TSPOAP1: variants seen among roughly 807,000 people sequenced by gnomAD.
TSPOAP1 encodes the protein peripheral-type benzodiazepine receptor-associated protein 1.
In TSPOAP1, 87 loss-of-function variants were observed where a neutral mutation model predicts 197.0. The observed-to-expected ratio is 0.44, with a 90% confidence interval of 0.37 to 0.53. TSPOAP1 has a LOEUF of 0.53. Among genes scored for constraint, TSPOAP1 ranks in the 20% least tolerant of loss-of-function variants. TSPOAP1 has a pLI of 0.00. For missense variants in TSPOAP1, 2,174 were observed against 2,411.3 expected (o/e 0.90, Z 2.06); for synonymous variants, 913 against 998.9 (o/e 0.91, Z 1.62).
chr17:58,305,189 G>A lies in TSPOAP1; in HGVS notation c.5434-18C>T, dbSNP rs780723601. 3 of 1,582,974 alleles carry A rather than the reference G, an allele frequency of 1.9e-6. No individual in the cohort carries two copies. On this transcript the variant is annotated intron_variant, in intron 29 of 31. Coordinates refer to ENST00000343736, the MANE Select transcript of TSPOAP1 (RefSeq NM_004758.4). ...AATTCCCCCTGGAGAGAAGAGGCCG[G>A]TGAGACTGAGATCAGGAAAGAGGCT...
At position 58,327,691 on chromosome 17, in the gene TSPOAP1, G is replaced by A. The variant is rs1971690398; in HGVS notation, c.230C>T (p.Pro77Leu). The part of the protein sequence containing the change: ...GSSRPVGGTD[P>L]EGAEACLPSL... ...GGGCAGACAAGCCTCTGCTCCTTCA[G>A]GGTCAGTTCCCCCCACGGGCCTGGA... Residue 77 changes from proline to leucine, a missense_variant, in exon 1 of 32, where the codon CCT becomes CTT. This residue lies in a region of TSPOAP1 where 1,933 missense variants were observed against 2,139.0 expected (regional missense o/e 0.90). Transcript: ENST00000343736. The A allele has an allele frequency of 6.2e-6, 10 of 1,614,000 alleles. No individual in the cohort carries two copies. Among genetic ancestry groups the A allele is most frequent in the Non-Finnish European group, 6.8e-6 (8 of 1,180,038 alleles).
chr17:58,319,965 A>C, intron 12 of TSPOAP1, 144 bp downstream of exon 12: 3 of 1,094,606 alleles, frequency 2.7e-6, no homozygotes, highest in Non-Finnish European at 4.1e-6. Context: ...TCCTGTGGGA[A>C]CTCCACCCCC....
intron 7 of TSPOAP1, 115 bp downstream of exon 7, chr17:58,323,183 G>A: frequency 6.8e-7 from 1 of 1,479,336 alleles, no homozygotes; most frequent in Non-Finnish European, 9.4e-7. Context: ...GGAGCAGGAG[G>A]GAAAATGTGT....
chr17:58,327,540 G>A (rs778166575), intron 1 of TSPOAP1, 48 bp downstream of exon 1: 2 of 1,568,104 alleles, frequency 1.3e-6, no homozygotes, highest in East Asian at 2.3e-5. Context: ...GGAGGACATG[G>A]TGAGAGACCC....
chr17:58,323,767 A>C (rs1971474020), intron 5 of TSPOAP1, among the ~76,000 whole-genome samples: 1 of 152,244 alleles, frequency 6.6e-6, no homozygotes. Flanking sequence ...TGGAGCCATA[A>C]GTGCTTTGAG....
At chr17:58,302,499 C>A in intron 31 of TSPOAP1, 52 bp from the exon 32 acceptor site, 1 of 1,163,928 alleles carries the variant, frequency 8.6e-7, no homozygotes, top group Admixed American at 3.8e-5. Flanking sequence ...CCTCCTGACC[C>A]CCTGACCCAT....
At position 58,327,700 on chromosome 17, in the gene TSPOAP1, C is replaced by T. The variant is rs1971691459; in HGVS notation, c.221G>A (p.Gly74Glu). Residue 74 changes from glycine (G) to glutamate (E), a missense_variant, in exon 1 of 32, where the codon GGA becomes GAA. Physicochemically the swap from Gly to Glu is moderately conservative, Grantham distance 98 (BLOSUM62 -2). Around this residue, in one of 5 missense-constraint regions of TSPOAP1, gnomAD observed 1,933 missense variants for 2,139.0 expected, o/e 0.90. Transcript: ENST00000343736. Reference protein sequence around the residue: ...KGDGSSRPVGGTDPEGAEACL... With the variant: ...KGDGSSRPVGETDPEGAEACL... ...AGCCTCTGCTCCTTCAGGGTCAGTT[C>T]CCCCCACGGGCCTGGAGCTCCCGTC... is the stretch of plus-strand genomic sequence containing the variant. The T allele has an allele frequency of 1.2e-6, 2 of 1,613,950 alleles. No homozygotes were observed. The highest frequency in any genetic ancestry group is 1.7e-6 in the Non-Finnish European group (2 of 1,179,984).
At position 58,327,959 on chromosome 17, in the gene TSPOAP1, A is replaced by G; in HGVS notation, c.-39T>C. 6.6e-7 allele frequency: 1 copy of G among 1,519,544 alleles called. No homozygotes were observed. Among genetic ancestry groups the G allele is most frequent in the Non-Finnish European group, 8.9e-7 (1 of 1,126,298 alleles). 94.1% of individuals were successfully genotyped at this position (1,519,544 alleles called of 1,614,324 possible). A position where few individuals can be genotyped will look rare whatever the true frequency, so the allele number is the denominator to read the frequency against. ...GGCCCCAGAACCCGGGCCGGGGGAC[A>G]TCACCCAGCCAGGTGGGGGGACTGG... On this transcript the variant is annotated 5_prime_UTR_variant, in exon 1 of 32. The change abolishes an upstream ATG in the 5' untranslated region. Transcript: ENST00000343736.
chr17:58,305,766 C>G, intron 27 of TSPOAP1, 67 bp downstream of exon 27: 1 of 1,592,622 alleles, frequency 6.3e-7, no homozygotes, highest in Non-Finnish European at 8.6e-7. Context: ...GCCAATGGGG[C>G]GAGGCCAGAG....
In TSPOAP1 at chr17:58,304,932, C is replaced by T; in HGVS notation, c.5544+129G>A. The T allele has an allele frequency of 1.3e-6, 1 of 749,938 alleles. No homozygotes were observed. Among genetic ancestry groups the T allele is most frequent in the Non-Finnish European group, 2.4e-6 (1 of 415,516 alleles). The allele number at this position is 749,938 out of a possible 1,614,324, so 46.5% of individuals were successfully genotyped here. ...CCCTCTGGTGGTCAATTAGCGGCTG[C>T]ACGCTGGACACAGTGCTTACCTGCA... On this transcript the variant is annotated intron_variant, in intron 30 of 31. Transcript: ENST00000343736. This position sits in a 1 kb window ranked among gnomAD's most constrained non-coding sequence, Gnocchi z 4.2.
At chr17:58,320,028 G>A in intron 12 of TSPOAP1, 81 bp downstream of exon 12, 1 of 1,561,948 alleles carries the variant, frequency 6.4e-7, no homozygotes, top group Non-Finnish European at 8.8e-7. Context: ...GATGAGAGAG[G>A]GGGACTGCCT....
At position 58,325,610 on chromosome 17, in the gene TSPOAP1, A is replaced by G. The variant is rs756779218; in HGVS notation, c.674T>C (p.Leu225Pro). The change falls in exon 4 of 32, where the codon CTG becomes CCG. Residue 225 changes from leucine to proline, a missense_variant. Leu to Pro is a moderately conservative substitution (Grantham distance 98). Coordinates refer to ENST00000343736, the MANE Select transcript of TSPOAP1 (RefSeq NM_004758.4). Reference protein sequence around the residue: ...RDLSETASALLAKDKQIAALQ... With the variant: ...RDLSETASALPAKDKQIAALQ... The stretch of plus-strand genomic sequence containing the variant: ...GGCAGCAATCTGCTTGTCCTTGGCC[A>G]GCAGTGCACTGGCTGTCTCACTGAG... The G allele has an allele frequency of 1.9e-6, 3 of 1,613,654 alleles. No individual in the cohort carries two copies. The highest frequency in any genetic ancestry group is 8.5e-7 in the Non-Finnish European group (1 of 1,180,002).
Position 58,326,837 on chromosome 17 carries a change from C to T in TSPOAP1, c.334-47G>A. 3.3e-6 allele frequency: 5 copies of T among 1,519,044 alleles called. No homozygotes were observed. Among genetic ancestry groups the T allele is most frequent in the Non-Finnish European group, 4.6e-6 (5 of 1,094,832 alleles). 94.1% of individuals were successfully genotyped at this position (1,519,044 alleles called of 1,614,324 possible). A position where few individuals can be genotyped will look rare whatever the true frequency, so the allele number is the denominator to read the frequency against. On this transcript the variant is annotated intron_variant, in intron 1 of 31. Coordinates refer to ENST00000343736, the MANE Select transcript of TSPOAP1 (RefSeq NM_004758.4). The surrounding 1 kb of genome is among the most constrained non-coding windows in gnomAD (Gnocchi z 4.7). ...GACAGCACCTCAGAAACCCACGTCA[C>T]CCAGCCAGAGCCTTCCCTGTGGAAG...
Position 58,311,094 on chromosome 17 carries a change from C to T in TSPOAP1, c.3201G>A (p.Ala1067=), listed in dbSNP as rs780255056. The part of the protein sequence containing the change: ...VRTMSPHGES[A]DSIPAPITPA... ...GAGTGATAGGAGCCGGGATGGAGTCCGCCGACTCCCCGTGGGGCGACATGG... is the reference window on the plus strand; with the variant it reads ...GAGTGATAGGAGCCGGGATGGAGTCTGCCGACTCCCCGTGGGGCGACATGG... Residue 1067 remains alanine, a synonymous_variant, in exon 19 of 32, where the codon GCG becomes GCA. Transcript: ENST00000343736. 64 of 1,585,828 alleles carry T rather than the reference C, an allele frequency of 4.0e-5. No homozygotes were observed. The highest frequency in any genetic ancestry group is 3.7e-4 in the East Asian group (16 of 43,260).
rs903112592 is a variant in TSPOAP1, at chr17:58,304,189, A to T, written c.*32+149T>A. 3.2e-6 allele frequency: 2 copies of T among 633,608 alleles called. No homozygotes were observed. The highest frequency in any genetic ancestry group is 3.6e-5 in the African/African-American group (2 of 54,874). The allele number at this position is 633,608 out of a possible 1,614,324, so 39.2% of individuals were successfully genotyped here. ...GAGGGGGAGGGATGACTCTTCATGC[A>T]AATCTGGCTCATGGCAAGCTCTCCT... On this transcript the variant is annotated intron_variant, in intron 31 of 31. Coordinates refer to ENST00000343736, the MANE Select transcript of TSPOAP1 (RefSeq NM_004758.4). This position sits in a 1 kb window ranked among gnomAD's most constrained non-coding sequence, Gnocchi z 4.2.
rs182392197 is a variant in TSPOAP1 at position 58,313,999 on chromosome 17, A to G, written c.2099-1277T>C. Among the ~76,000 whole-genome samples the G allele has an allele frequency of 1.6e-3, 246 of 152,294 alleles. 1 individual carries two copies. Among genetic ancestry groups the G allele is most frequent in the African/African-American group, 5.7e-3 (235 of 41,544 alleles). ...AGCTGGGCACCCAGCATGTAATGTCACGGTCAATTTAAAGAAGAAAAAAAG... is the reference window on the plus strand; with the variant it reads ...AGCTGGGCACCCAGCATGTAATGTCGCGGTCAATTTAAAGAAGAAAAAAAG... On this transcript the variant is annotated intron_variant, in intron 16 of 31. Transcript: ENST00000343736.
chr17:58,321,929 G>A (rs1047733242), intron 10 of TSPOAP1: 1 of 203,798 alleles, frequency 4.9e-6, no homozygotes, highest in East Asian at 1.2e-4. Flanking sequence ...ATCCCTTGCT[G>A]TATTCTAGCC....
rs1971380036 is a variant in TSPOAP1 at position 58,320,728 on chromosome 17, G to A, written c.1423-147C>T. Reference sequence around the variant, plus strand: ...AAAAGGGTAGGGAGAGAGGGAAGAGGGATAGGGAAGGGGGAGGCCGAAGGG... The same window carrying A: ...AAAAGGGTAGGGAGAGAGGGAAGAGAGATAGGGAAGGGGGAGGCCGAAGGG... On this transcript the variant is annotated intron_variant, in intron 10 of 31. Coordinates refer to ENST00000343736, the MANE Select transcript of TSPOAP1 (RefSeq NM_004758.4). The A allele has an allele frequency of 1.6e-5, 9 of 559,822 alleles. No individual in the cohort carries two copies. In the East Asian group the frequency reaches 3.1e-4, roughly 19 times the overall value. The allele number at this position is 559,822 out of a possible 1,614,324, so 34.7% of individuals were successfully genotyped here.
intron 29 of TSPOAP1, 107 bp downstream of exon 29, chr17:58,305,279 AG>A: frequency 6.7e-7 from 1 of 1,494,746 alleles, no homozygotes. Context: ...CTGTCCAGGG[AG>A]GTGACCCGTT....
Sources: gnomAD v4.1 joint callset for allele counts (sites outside exome capture counted in the v4.1 genomes callset) on GRCh38, gnomAD v4.1.1 for gene constraint, gnomAD v4.1.1 regional missense constraint, Gnocchi (gnomAD v3.1) non-coding constraint, MANE v1.5 for transcripts, NCBI Gene and HGNC (gene_info 2026-07-23, HGNC 2026-07-21) for gene names.